The following GUCY1B1 variants were observed in gnomAD, a reference collection of about 807,000 sequenced individuals.
The protein encoded by GUCY1B1 is guanylate cyclase 1 soluble subunit beta 1, also known as guanylate cyclase soluble subunit beta-1.
A neutral mutation model predicts 71.0 loss-of-function variants in GUCY1B1; 43 were observed. That is an observed-to-expected ratio of 0.61 (90% CI 0.47 to 0.78). The LOEUF (loss-of-function observed/expected upper bound fraction) is 0.78, where lower values mean the gene tolerates loss of function less well. Among genes scored for constraint, GUCY1B1 ranks in the 30% least tolerant of loss-of-function variants. The pLI is 0.00. For missense variants in GUCY1B1, 535 were observed against 754.1 expected (o/e 0.71, Z 3.40); for synonymous variants, 266 against 259.7 (o/e 1.02, Z -0.23).
chr4:155,805,144 T>C lies in GUCY1B1; in HGVS notation c.1751T>C (p.Leu584Ser), dbSNP rs41280491. 1.9e-5 allele frequency: 30 copies of C among 1,612,012 alleles called. No individual in the cohort carries two copies. Among genetic ancestry groups the C allele is most frequent in the Non-Finnish European group, 2.4e-5 (28 of 1,178,574 alleles). The change falls in exon 13 of 14, where the codon TTG (leucine) becomes TCG (serine). Residue 584 changes from leucine (L) to serine (S), a missense_variant. Physicochemically the swap from Leu to Ser is moderately radical, Grantham distance 145. Transcript: ENST00000264424. ...GAAAATTCAGATCCACAATTCCACTTGGAGCACAGAGGCCCAGTGTCCATG... is the reference window on the plus strand; with the variant it reads ...GAAAATTCAGATCCACAATTCCACTCGGAGCACAGAGGCCCAGTGTCCATG... ...SPENSDPQFHLEHRGPVSMKG... is the reference protein window; with the variant it reads ...SPENSDPQFHSEHRGPVSMKG...
At chr4:155,803,012 G>C (rs2111174981) in intron 10 of GUCY1B1, among the ~76,000 whole-genome samples, 1 of 152,282 alleles carries the variant, frequency 6.6e-6, no homozygotes, top group African/African-American at 2.4e-5. Flanking sequence ...TCAACTTGAA[G>C]AAGATAAACA....
intron 12 of GUCY1B1, 106 bp from the exon 13 acceptor site, chr4:155,804,997 C>G: frequency 1.0e-6 from 1 of 991,792 alleles, no homozygotes; most frequent in Non-Finnish European, 1.5e-6. Context: ...TTCAGTACAA[C>G]TTCAGCATTT....
At chr4:155,785,372 A>C (rs1438724235) in intron 4 of GUCY1B1, 1 of 866,330 alleles carries the variant, frequency 1.2e-6, no homozygotes, top group African/African-American at 1.7e-5. Context: ...ACTTTCATAC[A>C]TATGGACATA....
Position 155,804,576 on chromosome 4 carries a change from A to G in GUCY1B1, c.1555-17A>G. The G allele has an allele frequency of 6.3e-7, 1 of 1,592,392 alleles. No homozygotes were observed. The highest frequency in any genetic ancestry group is 8.5e-7 in the Non-Finnish European group (1 of 1,169,842). On this transcript the variant is annotated splice_polypyrimidine_tract_variant and intron_variant, in intron 11 of 13. Transcript: ENST00000264424. ...TTAGTGATCAAAATGATTGAAGCAA[A>G]GCTTTCTTTTTTGCAGATAACAATA...
At chr4:155,770,350 G>T (rs1737616357) in intron 2 of GUCY1B1, among the ~76,000 whole-genome samples, 1 of 152,096 alleles carries the variant, frequency 6.6e-6, no homozygotes, top group Non-Finnish European at 1.5e-5. Context: ...AGAGTGCTGG[G>T]AAATGGTTAT....
At chr4:155,793,121 G>A (rs1166011724) in intron 5 of GUCY1B1, among the ~76,000 whole-genome samples, 1 of 152,022 alleles carries the variant, frequency 6.6e-6, no homozygotes, top group Non-Finnish European at 1.5e-5. Context: ...TGTCGCCCAG[G>A]CTGGAATGCA....
At chr4:155,767,531 G>A (rs1415052336) in intron 2 of GUCY1B1, among the ~76,000 whole-genome samples, 1 of 152,108 alleles carries the variant, frequency 6.6e-6, no homozygotes. Flanking sequence ...TATCAAGACT[G>A]TTGTTGTTTC....
At chr4:155,805,308 G>T in intron 13 of GUCY1B1, 79 bp downstream of exon 13, 1 of 1,168,044 alleles carries the variant, frequency 8.6e-7, no homozygotes, top group Non-Finnish European at 1.2e-6. Context: ...CACTGAAAAT[G>T]TATTTCATTT....
chr4:155,786,271 C>CTT (rs33996424), intron 4 of GUCY1B1, among the ~76,000 whole-genome samples: 16,916 of 122,570 alleles, frequency 0.14, 2,130 homozygotes, highest in African/African-American at 0.21. Context: ...GTTCAATTTC[C>CTT]TTTTTTTTTT....
chr4:155,802,423 T>C lies in GUCY1B1; in HGVS notation c.1257T>C (p.Asn419=). 2 of 1,613,802 alleles carry C rather than the reference T, an allele frequency of 1.2e-6. No homozygotes were observed. The highest frequency in any genetic ancestry group is 2.2e-5 in the South Asian group (2 of 91,082). Residue 419 remains asparagine, a synonymous_variant, in exon 10 of 14, where the codon AAT becomes AAC. Transcript: ENST00000264424. This position sits in a 1 kb window ranked among gnomAD's most constrained non-coding sequence, Gnocchi z 4.3. Reference sequence around the variant, plus strand: ...CAGTGCCTGCCAAAAGATATGACAATGTGACCATCCTCTTTAGTGGCATTG... The same window carrying C: ...CAGTGCCTGCCAAAAGATATGACAACGTGACCATCCTCTTTAGTGGCATTG... ...KRPVPAKRYD[N]VTILFSGIVG...
chr4:155,806,572 C>A lies in GUCY1B1; in HGVS notation c.*163C>A. On this transcript the variant is annotated 3_prime_UTR_variant, in exon 14 of 14. Coordinates refer to ENST00000264424, the MANE Select transcript of GUCY1B1 (RefSeq NM_000857.5). ...GATATATCTCTCACTATCCGTTATT[C>A]AACCTTAGCTCTGCTTTCTATTACT... 1.8e-6 allele frequency: 1 copy of A among 552,038 alleles called. No individual in the cohort carries two copies. The highest frequency in any genetic ancestry group is 2.9e-5 in the South Asian group (1 of 34,034). 34.2% of individuals were successfully genotyped at this position (552,038 alleles called of 1,614,324 possible).
intron 2 of GUCY1B1, among the ~76,000 whole-genome samples, chr4:155,760,358 G>T (rs3796556): frequency 0.39 from 59,067 of 151,502 alleles, 12,558 homozygotes; most frequent in East Asian, 0.68. Context: ...TGAATTAAGC[G>T]CATTTATTCA....
intron 12 of GUCY1B1, 115 bp downstream of exon 12, chr4:155,804,862 C>T: frequency 1.1e-6 from 1 of 891,414 alleles, no homozygotes; most frequent in Admixed American, 2.4e-5. Context: ...TCACTCTTCC[C>T]CACTGCTTGT....
intron 8 of GUCY1B1, among the ~76,000 whole-genome samples, chr4:155,798,635 A>G (rs1284901427): frequency 6.6e-6 from 1 of 152,212 alleles, no homozygotes; most frequent in Non-Finnish European, 1.5e-5. Flanking sequence ...AAAATTCTGC[A>G]AAGTCACCCC....
At chr4:155,791,226 T>G (rs1739133453) in intron 5 of GUCY1B1, among the ~76,000 whole-genome samples, 1 of 151,308 alleles carries the variant, frequency 6.6e-6, no homozygotes. Flanking sequence ...GCCATTCTCC[T>G]GCCTCAGCCT....
Position 155,759,067 on chromosome 4 carries a change from T to C in GUCY1B1, c.-74T>C. ...CCCGGCCCGGTTGCGCTGTAGCCGC[T>C]GCCGCCTCTGCCTGGGTCCCTTCGG... On this transcript the variant is annotated 5_prime_UTR_variant, in exon 1 of 14. Transcript: ENST00000264424. 2 of 1,505,306 alleles carry C rather than the reference T, an allele frequency of 1.3e-6. No individual in the cohort carries two copies. Among genetic ancestry groups the C allele is most frequent in the Non-Finnish European group, 1.8e-6 (2 of 1,104,826 alleles). 93.2% of individuals were successfully genotyped at this position (1,505,306 alleles called of 1,614,324 possible). A position where few individuals can be genotyped will look rare whatever the true frequency, so the allele number is the denominator to read the frequency against.
chr4:155,791,739 T>A (rs200792921), intron 5 of GUCY1B1, among the ~76,000 whole-genome samples: 302 of 123,458 alleles, frequency 2.4e-3, no homozygotes, highest in African/African-American at 3.8e-3. Flanking sequence ...ATCAAAAAAA[T>A]AGAGAAAAAA....
At position 155,759,047 on chromosome 4, in the gene GUCY1B1, C is replaced by T; in HGVS notation, c.-94C>T. 2 of 1,340,158 alleles carry T rather than the reference C, an allele frequency of 1.5e-6. No individual in the cohort carries two copies. The highest frequency in any genetic ancestry group is 2.1e-6 in the Non-Finnish European group (2 of 959,762). The allele number at this position is 1,340,158 out of a possible 1,614,324, so 83.0% of individuals were successfully genotyped here. A position where few individuals can be genotyped will look rare whatever the true frequency, so the allele number is the denominator to read the frequency against. On this transcript the variant is annotated 5_prime_UTR_variant, in exon 1 of 14. Coordinates refer to ENST00000264424, the MANE Select transcript of GUCY1B1 (RefSeq NM_000857.5). ...CTCCAGCTCGATGCTGCCTCCCCGG[C>T]CCGGTTGCGCTGTAGCCGCTGCCGC...
chr4:155,768,932 C>T (rs1257114775), intron 2 of GUCY1B1, among the ~76,000 whole-genome samples: 1 of 152,144 alleles, frequency 6.6e-6, no homozygotes, highest in Non-Finnish European at 1.5e-5. Flanking sequence ...TTTGTAAATT[C>T]TATCAGCAAA....
Sources: gnomAD v4.1 joint callset for allele counts (sites outside exome capture counted in the v4.1 genomes callset) on GRCh38, gnomAD v4.1.1 for gene constraint, Gnocchi (gnomAD v3.1) non-coding constraint, MANE v1.5 for transcripts, NCBI Gene and HGNC (gene_info 2026-07-23, HGNC 2026-07-21) for gene names.